MTRF1: variants seen among roughly 807,000 people sequenced by gnomAD.
MTRF1 encodes the protein mitochondrial translation release factor 1, also known as peptide chain release factor 1, mitochondrial.
Under a neutral mutation model 62.9 loss-of-function variants are expected in MTRF1, and 51 were observed. That is an observed-to-expected ratio of 0.81 (90% CI 0.65 to 1.02). The LOEUF (loss-of-function observed/expected upper bound fraction) is 1.02, where lower values mean the gene tolerates loss of function less well. Among genes scored for constraint, MTRF1 ranks in the 50% least tolerant of loss-of-function variants. MTRF1 has a pLI of 0.00. For missense variants in MTRF1, 446 were observed against 530.0 expected (o/e 0.84, Z 1.56); for synonymous variants, 158 against 181.9 (o/e 0.87, Z 1.06).
chr13:41,240,226 T>A (rs766925406), intron 6 of MTRF1, 35 bp downstream of exon 6: 2 of 1,560,590 alleles, frequency 1.3e-6, no homozygotes, highest in East Asian at 4.6e-5. Flanking sequence ...CCCGTTGACA[T>A]GGAGTGAGTT....
chr13:41,220,004 A>ATT (rs1321414198), intron 9 of MTRF1, among the ~76,000 whole-genome samples: 57 of 149,596 alleles, frequency 3.8e-4, no homozygotes, highest in African/African-American at 1.4e-3. Flanking sequence ...GTCTCAAAAA[A>ATT]AAAAAAAAAA....
At chr13:41,273,162 TA>T in the MTRF1 span, among the ~76,000 whole-genome samples, 1 of 151,806 alleles carries the variant, frequency 6.6e-6, no homozygotes, top group African/African-American at 2.4e-5. Context: ...CCGTCTCTAC[TA>T]AAAATACAAA....
the MTRF1 span, among the ~76,000 whole-genome samples, chr13:41,271,509 A>C: frequency 1.3e-5 from 2 of 152,220 alleles, no homozygotes; most frequent in Admixed American, 6.5e-5. Flanking sequence ...GCTTGTGGGC[A>C]TGACAACACA....
At chr13:41,241,505 C>T (rs1190101965) in intron 5 of MTRF1, among the ~76,000 whole-genome samples, 1 of 152,214 alleles carries the variant, frequency 6.6e-6, no homozygotes, top group Non-Finnish European at 1.5e-5. Context: ...AATGCCATTT[C>T]CAGACATAAT....
At position 41,216,695 on chromosome 13, in the gene MTRF1, AT is replaced by A. The variant is rs1461428431; in HGVS notation, c.*419del. The A allele has an allele frequency of 2.0e-5, 3 of 152,682 alleles. No homozygotes were observed. Among genetic ancestry groups the A allele is most frequent in the Admixed American group, 2.0e-4 (3 of 15,284 alleles). The allele number at this position is 152,682 out of a possible 1,614,324, so 9.5% of individuals were successfully genotyped here. On this transcript the variant is annotated 3_prime_UTR_variant, in exon 10 of 10. Transcript: ENST00000379480. ...TCCACTATAGGCCAAGGTACTTTGT[AT>A]TTAAATAAAAGGTTTATAAGGAAGT...
intron 5 of MTRF1, among the ~76,000 whole-genome samples, chr13:41,248,516 G>A (rs561379433): frequency 6.6e-6 from 1 of 152,280 alleles, no homozygotes; most frequent in East Asian, 1.9e-4. Flanking sequence ...CTGCCACCCT[G>A]GGATCGAATT....
the MTRF1 span, among the ~76,000 whole-genome samples, chr13:41,280,454 C>G: frequency 6.6e-6 from 1 of 152,140 alleles, no homozygotes; most frequent in Non-Finnish European, 1.5e-5. Context: ...CAAGCTGCAC[C>G]CCAACCACTT....
chr13:41,307,573 T>C, the MTRF1 span, among the ~76,000 whole-genome samples: 1 of 151,558 alleles, frequency 6.6e-6, no homozygotes, highest in East Asian at 1.9e-4. Flanking sequence ...ACTGAGATCA[T>C]GCCAGTGCAC....
chr13:41,241,379 T>C (rs1236018118), intron 5 of MTRF1, among the ~76,000 whole-genome samples: 1 of 152,116 alleles, frequency 6.6e-6, no homozygotes, highest in African/African-American at 2.4e-5. Context: ...AAAAATCTTT[T>C]TTATGATACA....
the MTRF1 span, among the ~76,000 whole-genome samples, chr13:41,284,387 G>A: frequency 6.6e-6 from 1 of 151,322 alleles, no homozygotes; most frequent in Admixed American, 6.6e-5. Context: ...GGAGGCTCAG[G>A]CAGGAGAATC....
chr13:41,273,243 A>G, the MTRF1 span, among the ~76,000 whole-genome samples: 39,320 of 151,328 alleles, frequency 0.26, 5,332 homozygotes, highest in African/African-American at 0.32. Flanking sequence ...GGAGAATGGC[A>G]TGAACCCGGG....
intron 2 of MTRF1, among the ~76,000 whole-genome samples, chr13:41,255,348 C>T (rs2039567926): frequency 6.6e-6 from 1 of 152,152 alleles, no homozygotes; most frequent in African/African-American, 2.4e-5. Flanking sequence ...TCCCAGGTAG[C>T]TGAGATTACA....
At chr13:41,311,813 C>T in the MTRF1 span, among the ~76,000 whole-genome samples, 6 of 152,226 alleles carry the variant, frequency 3.9e-5, no homozygotes, top group African/African-American at 9.6e-5. Flanking sequence ...GCTCGCCTCA[C>T]CCCCGCCGCG....
intron 7 of MTRF1, among the ~76,000 whole-genome samples, chr13:41,228,598 T>C (rs982944559): frequency 1.3e-5 from 2 of 151,314 alleles, no homozygotes; most frequent in African/African-American, 4.9e-5. Flanking sequence ...AAACAAAGAA[T>C]TACAGAGGCC....
chr13:41,223,465 A>C lies in MTRF1; in HGVS notation c.1126-111T>G. On this transcript the variant is annotated intron_variant, in intron 8 of 9. Transcript: ENST00000379480. Reference sequence around the variant, plus strand: ...CAACAATTTAGATACTTTCTAAAAGACATATATACAAAATGACAAAGAAAA... The same window carrying C: ...CAACAATTTAGATACTTTCTAAAAGCCATATATACAAAATGACAAAGAAAA... 6.3e-6 allele frequency: 5 copies of C among 799,016 alleles called. No homozygotes were observed. In the East Asian group the frequency reaches 1.3e-4, roughly 20 times the overall value. The allele number at this position is 799,016 out of a possible 1,614,324, so 49.5% of individuals were successfully genotyped here.
the MTRF1 span, among the ~76,000 whole-genome samples, chr13:41,269,467 G>A: frequency 3.3e-5 from 5 of 151,272 alleles, no homozygotes; most frequent in African/African-American, 1.2e-4. Flanking sequence ...CAAAGTACTG[G>A]GATTACAGGA....
At chr13:41,288,560 T>A in the MTRF1 span, among the ~76,000 whole-genome samples, 1 of 152,208 alleles carries the variant, frequency 6.6e-6, no homozygotes, top group Non-Finnish European at 1.5e-5. Flanking sequence ...AGGCTTACTG[T>A]CACCAGCACT....
the MTRF1 span, among the ~76,000 whole-genome samples, chr13:41,299,460 AC>A: frequency 1.3e-5 from 2 of 152,132 alleles, no homozygotes; most frequent in African/African-American, 4.8e-5. Flanking sequence ...GGCCATTGTA[AC>A]TTGGGGTCAT....
At chr13:41,255,402 C>T (rs1314525280) in intron 2 of MTRF1, among the ~76,000 whole-genome samples, 1 of 152,074 alleles carries the variant, frequency 6.6e-6, no homozygotes, top group Non-Finnish European at 1.5e-5. Context: ...CTTTAAAATA[C>T]ATATCATGGC....
Sources: gnomAD v4.1 joint callset for allele counts (sites outside exome capture counted in the v4.1 genomes callset) on GRCh38, gnomAD v4.1.1 for gene constraint, MANE v1.5 for transcripts, NCBI Gene and HGNC (gene_info 2026-07-23, HGNC 2026-07-21) for gene names.